Variants in ANKRD27 observed in about 807,000 individuals in gnomAD.
ANKRD27 encodes ankyrin repeat domain-containing protein 27.
ANKRD27 carries 112 observed loss-of-function variants against 129.7 expected under a neutral mutation model. The ratio of observed to expected loss-of-function variants is 0.86; its 90% CI spans 0.74 to 1.01. The LOEUF (loss-of-function observed/expected upper bound fraction) is 1.01. ANKRD27 is among the 50% of genes least tolerant of loss of function. The pLI, the probability that ANKRD27 is intolerant of heterozygous loss-of-function variation, is 0.00. For synonymous variants in ANKRD27, 516 were observed against 511.2 expected, an observed-to-expected ratio of 1.01 and a Z score of -0.13; for missense variants, 1,258 against 1,300.5, an observed-to-expected ratio of 0.97 and a Z score of 0.50.
chr19:32,600,100 A>G, intron 26 of ANKRD27, 50 bp from the exon 27 acceptor site: 1 of 1,332,412 alleles, frequency 7.5e-7, no homozygotes. Context: ...AGTTGTAAAG[A>G]TTATTTTAAA....
chr19:32,645,376 C>T (rs557554511), intron 4 of ANKRD27, among the ~76,000 whole-genome samples: 30 of 152,076 alleles, frequency 2.0e-4, no homozygotes, highest in Non-Finnish European at 3.8e-4. Flanking sequence ...TGCGCCACTG[C>T]ACTCCAGCCT....
At chr19:32,644,182 T>C in intron 5 of ANKRD27, 143 bp downstream of exon 5, 1 of 1,038,962 alleles carries the variant, frequency 9.6e-7, no homozygotes, top group Non-Finnish European at 1.4e-6. Flanking sequence ...GTTAAACTAC[T>C]TTTATAGTTA....
intron 12 of ANKRD27, among the ~76,000 whole-genome samples, chr19:32,635,474 ATTTAT>A (rs1169076940): frequency 6.6e-6 from 1 of 152,000 alleles, no homozygotes. Context: ...TTTTTTATTT[ATTTAT>A]TTATTTGTAG....
intron 12 of ANKRD27, among the ~76,000 whole-genome samples, chr19:32,634,961 C>G (rs74257320): frequency 6.6e-6 from 1 of 152,028 alleles, no homozygotes; most frequent in Non-Finnish European, 1.5e-5. Flanking sequence ...AACACCAGCA[C>G]GAGAGAAGGA....
At chr19:32,668,655 T>C (rs747944620) in intron 1 of ANKRD27, among the ~76,000 whole-genome samples, 11 of 151,836 alleles carry the variant, frequency 7.2e-5, no homozygotes, top group Non-Finnish European at 1.2e-4. Flanking sequence ...TTTTTATTCT[T>C]TGTAGAGATG....
At chr19:32,620,899 A>T (rs969883683) in intron 18 of ANKRD27, among the ~76,000 whole-genome samples, 5 of 151,046 alleles carry the variant, frequency 3.3e-5, no homozygotes, top group Admixed American at 3.3e-4. Context: ...AAAAAAAAAA[A>T]AAAAAAAAAA....
At chr19:32,661,133 T>A (rs1967635743) in intron 1 of ANKRD27, among the ~76,000 whole-genome samples, 1 of 150,510 alleles carries the variant, frequency 6.6e-6, no homozygotes, top group Non-Finnish European at 1.5e-5. Flanking sequence ...CCCAGGAGGT[T>A]AAGGCCGCTA....
chr19:32,662,467 T>C (rs1185085456), intron 1 of ANKRD27, among the ~76,000 whole-genome samples: 1 of 152,046 alleles, frequency 6.6e-6, no homozygotes, highest in Non-Finnish European at 1.5e-5. Context: ...CTGGGCACAA[T>C]GGCTCACTCC....
intron 1 of ANKRD27, among the ~76,000 whole-genome samples, chr19:32,665,903 AGAC>A (rs1967745217): frequency 6.7e-6 from 1 of 149,534 alleles, no homozygotes; most frequent in Non-Finnish European, 1.5e-5. Flanking sequence ...CTCAGACTAC[AGAC>A]TACACGCCAC....
At position 32,598,394 on chromosome 19, in the gene ANKRD27, A is replaced by G. The variant is rs747607160; in HGVS notation, c.2920-16T>C. Reference sequence around the variant, plus strand: ...GCCTCCCTGGCTAAAGAAAAAGTACATTTTTAACCGTTGACGTCCTCACTG... The same window carrying G: ...GCCTCCCTGGCTAAAGAAAAAGTACGTTTTTAACCGTTGACGTCCTCACTG... On this transcript the variant is annotated splice_polypyrimidine_tract_variant and intron_variant, in intron 28 of 28. Coordinates refer to ENST00000306065, the MANE Select transcript of ANKRD27 (RefSeq NM_032139.3). 1.9e-6 allele frequency: 3 copies of G among 1,613,296 alleles called. No homozygotes were observed. Among genetic ancestry groups the G allele is most frequent in the Non-Finnish European group, 2.5e-6 (3 of 1,179,280 alleles).
At chr19:32,650,776 G>A (rs1967401991) in intron 2 of ANKRD27, among the ~76,000 whole-genome samples, 1 of 131,818 alleles carries the variant, frequency 7.6e-6, no homozygotes, top group African/African-American at 3.0e-5. Flanking sequence ...TGGAGACAGT[G>A]TCTTGCTCTC....
At position 32,605,897 on chromosome 19, in the gene ANKRD27, T is replaced by G; in HGVS notation, c.2431A>C (p.Asn811His). 1 of 1,614,088 alleles carries G rather than the reference T, an allele frequency of 6.2e-7. No individual in the cohort carries two copies. The highest frequency in any genetic ancestry group is 1.1e-5 in the South Asian group (1 of 91,080). Reference protein sequence around the residue: ...AKPNKKDLSGNTPLIYACSGG... With the variant: ...AKPNKKDLSGHTPLIYACSGG... ...GAGCAGGCGTAAATGAGGGGCGTGT[T>G]TCCACTGAGGTCCTTCTTATTGGGT... is the stretch of plus-strand genomic sequence containing the variant. The change falls in exon 24 of 29, where the codon AAC becomes CAC. Residue 811 changes from asparagine to histidine, a missense_variant. Coordinates refer to ENST00000306065, the MANE Select transcript of ANKRD27 (RefSeq NM_032139.3).
intron 1 of ANKRD27, among the ~76,000 whole-genome samples, chr19:32,661,402 C>T (rs1967644137): frequency 6.6e-6 from 1 of 152,128 alleles, no homozygotes; most frequent in African/African-American, 2.4e-5. Flanking sequence ...ATGATCGTAG[C>T]TCACCGTAAC....
chr19:32,609,977 A>G (rs928300233), intron 22 of ANKRD27, among the ~76,000 whole-genome samples: 1 of 151,136 alleles, frequency 6.6e-6, no homozygotes, highest in Non-Finnish European at 1.5e-5. Context: ...GGAGTTCGAA[A>G]CCAGCCTGGA....
chr19:32,621,869 A>C (rs771557367), intron 18 of ANKRD27, among the ~76,000 whole-genome samples: 36 of 152,296 alleles, frequency 2.4e-4, no homozygotes, highest in South Asian at 1.2e-3. Context: ...ACGAGAGTGC[A>C]GAGAACTGGC....
intron 25 of ANKRD27, among the ~76,000 whole-genome samples, chr19:32,603,383 G>T (rs1349381272): frequency 6.6e-6 from 1 of 152,100 alleles, no homozygotes; most frequent in Non-Finnish European, 1.5e-5. Flanking sequence ...TGTCTATCTT[G>T]GGTAGAAAAC....
Position 32,619,500 on chromosome 19 carries a change from C to A in ANKRD27, c.1881G>T (p.Ser627=), listed in dbSNP as rs200238762. ...CTCAGCCCGGCTGACTTACCTCGGA[C>A]GACTTCTGCCTCCTCTCGAAGGACA... The part of the protein sequence containing the change: ...YHLSFERRQK[S]SEAPVQSPQR... Residue 627 remains serine (S), a synonymous_variant, in exon 19 of 29, where the codon TCG becomes TCT. Coordinates refer to ENST00000306065, the MANE Select transcript of ANKRD27 (RefSeq NM_032139.3). The A allele has an allele frequency of 6.2e-7, 1 of 1,614,080 alleles. No homozygotes were observed. The highest frequency in any genetic ancestry group is 8.5e-7 in the Non-Finnish European group (1 of 1,180,014).
intron 26 of ANKRD27, 42 bp from the exon 27 acceptor site, chr19:32,600,092 T>C (rs753702581): frequency 5.8e-6 from 8 of 1,368,896 alleles, no homozygotes; most frequent in Non-Finnish European, 8.3e-6. Context: ...TCAAAAACAG[T>C]TGTAAAGATT....
At chr19:32,668,970 CCATT>C (rs895231647) in intron 1 of ANKRD27, among the ~76,000 whole-genome samples, 2 of 151,996 alleles carry the variant, frequency 1.3e-5, no homozygotes, top group Non-Finnish European at 2.9e-5. Flanking sequence ...TAAATAAGAG[CCATT>C]CATTCATTCA....
Sources: gnomAD v4.1 joint callset for allele counts (sites outside exome capture counted in the v4.1 genomes callset) on GRCh38, gnomAD v4.1.1 for gene constraint, MANE v1.5 for transcripts, NCBI Gene and HGNC (gene_info 2026-07-23, HGNC 2026-07-21) for gene names.